The following ALPK1 variants were observed in gnomAD, a reference collection of about 807,000 sequenced individuals.
ALPK1 encodes alpha kinase 1.
A neutral mutation model predicts 120.6 loss-of-function variants in ALPK1; 110 were observed. The observed-to-expected ratio is 0.91, with a 90% confidence interval of 0.78 to 1.07. The LOEUF is 1.07. Among genes scored for constraint, ALPK1 ranks in the 50% least tolerant of loss-of-function variants. The pLI, the probability that ALPK1 is intolerant of heterozygous loss-of-function variation, is 0.00. For missense variants in ALPK1, 1,498 were observed against 1,483.9 expected (o/e 1.01, Z -0.16); for synonymous variants, 582 against 560.3 (o/e 1.04, Z -0.55).
chr4:112,365,276 T>C (rs1003462690), intron 2 of ALPK1, among the ~76,000 whole-genome samples: 1 of 152,152 alleles, frequency 6.6e-6, no homozygotes, highest in African/African-American at 2.4e-5. Flanking sequence ...TCACTGTCTG[T>C]TGATGACATG....
chr4:112,367,289 T>C (rs1430872184), intron 2 of ALPK1, among the ~76,000 whole-genome samples: 1 of 152,224 alleles, frequency 6.6e-6, no homozygotes, highest in Admixed American at 6.5e-5. Flanking sequence ...TGTATGCCTA[T>C]AAAAAAGAAC....
At chr4:112,326,519 T>C (rs182346026) in intron 2 of ALPK1, among the ~76,000 whole-genome samples, 3 of 152,270 alleles carry the variant, frequency 2.0e-5, no homozygotes, top group Admixed American at 1.3e-4. Flanking sequence ...GAATAAATCA[T>C]ACTGTGGAGA....
chr4:112,350,625 T>C (rs949126086), intron 2 of ALPK1, among the ~76,000 whole-genome samples: 8 of 152,210 alleles, frequency 5.3e-5, no homozygotes, highest in Admixed American at 5.2e-4. Context: ...AGACCTCTGG[T>C]ACCATTTAGT....
chr4:112,436,988 T>C (rs1734815180), intron 12 of ALPK1, among the ~76,000 whole-genome samples: 1 of 152,096 alleles, frequency 6.6e-6, no homozygotes, highest in Non-Finnish European at 1.5e-5. Context: ...CAAAATACAC[T>C]AATCTTGAAA....
intron 2 of ALPK1, among the ~76,000 whole-genome samples, chr4:112,353,706 A>G (rs1205203995): frequency 6.6e-6 from 1 of 152,126 alleles, no homozygotes; most frequent in Admixed American, 6.5e-5. Context: ...TGTCTCTACT[A>G]AAAACACAAA....
chr4:112,376,101 C>T (rs919603876), intron 2 of ALPK1, among the ~76,000 whole-genome samples: 1 of 152,110 alleles, frequency 6.6e-6, no homozygotes, highest in Non-Finnish European at 1.5e-5. Flanking sequence ...ACAATAATAA[C>T]ACCAAAGATC....
intron 2 of ALPK1, 59 bp downstream of exon 2, chr4:112,315,911 C>T (rs576328271): frequency 2.0e-4 from 31 of 152,170 alleles, no homozygotes; most frequent in African/African-American, 7.0e-4. Context: ...CATAGCAATA[C>T]GTAGTCATTG....
intron 5 of ALPK1, among the ~76,000 whole-genome samples, chr4:112,417,945 A>G (rs955095861): frequency 1.4e-4 from 22 of 152,374 alleles, no homozygotes; most frequent in African/African-American, 3.8e-4. Context: ...TAATCAGGTG[A>G]CAGAAACCAC....
intron 10 of ALPK1, among the ~76,000 whole-genome samples, chr4:112,430,019 G>A (rs1029878348): frequency 2.4e-4 from 36 of 151,974 alleles, no homozygotes; most frequent in African/African-American, 6.8e-4. Context: ...AGATGCATTC[G>A]GAAACCAATG....
At chr4:112,408,522 G>C (rs1733302189) in intron 4 of ALPK1, among the ~76,000 whole-genome samples, 1 of 151,190 alleles carries the variant, frequency 6.6e-6, no homozygotes, top group South Asian at 2.1e-4. Flanking sequence ...CCAGGCTAGA[G>C]TGCAGTGGCA....
chr4:112,399,248 T>G (rs116573891), intron 4 of ALPK1, among the ~76,000 whole-genome samples: 1 of 152,146 alleles, frequency 6.6e-6, no homozygotes, highest in African/African-American at 2.4e-5. Context: ...ATCCAGCAAA[T>G]CAGAGCAAGG....
chr4:112,298,909 G>C (rs1043468168), intron 1 of ALPK1, among the ~76,000 whole-genome samples: 2 of 152,058 alleles, frequency 1.3e-5, no homozygotes, highest in Non-Finnish European at 2.9e-5. Context: ...TGAACACAAG[G>C]CATGAATTGC....
chr4:112,314,886 T>C (rs1010703675), intron 1 of ALPK1, among the ~76,000 whole-genome samples: 1 of 145,548 alleles, frequency 6.9e-6, no homozygotes, highest in Non-Finnish European at 1.5e-5. Context: ...CTTTTTTTTT[T>C]TTTTTTTTTT....
chr4:112,378,016 A>G, intron 3 of ALPK1, 118 bp downstream of exon 3: 2 of 1,188,038 alleles, frequency 1.7e-6, no homozygotes, highest in Non-Finnish European at 2.2e-6. Flanking sequence ...ATGACCACCG[A>G]GAGATGAGTG....
chr4:112,364,172 C>T (rs1314164194), intron 2 of ALPK1, among the ~76,000 whole-genome samples: 1 of 151,782 alleles, frequency 6.6e-6, no homozygotes, highest in Non-Finnish European at 1.5e-5. Context: ...TAGAACAAAG[C>T]AAACACAAAC....
At chr4:112,349,854 C>T (rs1321463368) in intron 2 of ALPK1, among the ~76,000 whole-genome samples, 1 of 152,102 alleles carries the variant, frequency 6.6e-6, no homozygotes, top group African/African-American at 2.4e-5. Flanking sequence ...GCCCGGCCTA[C>T]ATTTTAATTT....
At chr4:112,309,463 C>T (rs755637397) in intron 1 of ALPK1, among the ~76,000 whole-genome samples, 13 of 152,176 alleles carry the variant, frequency 8.5e-5, no homozygotes, top group Non-Finnish European at 1.6e-4. Context: ...GCCCCTCCCC[C>T]AGCCTCGCTG....
intron 2 of ALPK1, among the ~76,000 whole-genome samples, chr4:112,347,752 T>C (rs571373900): frequency 3.5e-4 from 53 of 152,336 alleles, no homozygotes; most frequent in Admixed American, 2.7e-3. Context: ...TGCATCTTAT[T>C]TGATGCATTA....
At chr4:112,349,050 T>G (rs968960855) in intron 2 of ALPK1, among the ~76,000 whole-genome samples, 8 of 152,114 alleles carry the variant, frequency 5.3e-5, no homozygotes, top group African/African-American at 1.2e-4. Context: ...CTGGATGCAG[T>G]TTTTGTTTTT....
Sources: allele counts gnomAD v4.1 joint callset (sites outside exome capture counted in the v4.1 genomes callset), GRCh38; gene constraint gnomAD v4.1.1; transcripts MANE v1.5; gene names NCBI Gene and HGNC (gene_info 2026-07-23, HGNC 2026-07-21).